The following ABAT variants were observed in gnomAD, a reference collection of about 807,000 sequenced individuals.
ABAT encodes the protein 4-aminobutyrate aminotransferase, also known as 4-aminobutyrate aminotransferase, mitochondrial.
In ABAT, 45 loss-of-function variants were observed where a neutral mutation model predicts 64.6. The ratio of observed to expected loss-of-function variants is 0.70; its 90% CI spans 0.55 to 0.89. The LOEUF is 0.89. Among genes scored for constraint, ABAT ranks in the 40% least tolerant of loss-of-function variants. The pLI, the probability that ABAT is intolerant of heterozygous loss-of-function variation, is 0.00. For missense variants in ABAT, 633 were observed against 658.4 expected (o/e 0.96, Z 0.42); for synonymous variants, 297 against 250.5 (o/e 1.19, Z -1.75).
At chr16:8,680,374 T>G (rs1291590953) in intron 1 of ABAT, among the ~76,000 whole-genome samples, 2 of 152,214 alleles carry the variant, frequency 1.3e-5, no homozygotes, top group Admixed American at 6.5e-5. Context: ...TTTTTTAAAT[T>G]GGGGTAAAAT....
At position 8,746,079 on chromosome 16, in the gene ABAT, T is replaced by C. The variant is rs768066989; in HGVS notation, c.149T>C (p.Val50Ala). The change falls in exon 3 of 16, where the codon GTC becomes GCC. Residue 50 changes from valine to alanine, a missense_variant. Val to Ala is a moderately conservative substitution (Grantham distance 64, BLOSUM62 0). Transcript: ENST00000268251. ...DYDGPLMKTEVPGPRSQELMK... is the reference protein window; with the variant it reads ...DYDGPLMKTEAPGPRSQELMK... Reference sequence around the variant, plus strand: ...GATGGGCCTCTGATGAAGACGGAAGTCCCAGGGCCTAGATCTCAGGTGAGT... The same window carrying C: ...GATGGGCCTCTGATGAAGACGGAAGCCCCAGGGCCTAGATCTCAGGTGAGT... 1.2e-6 allele frequency: 2 copies of C among 1,613,428 alleles called. No homozygotes were observed. The highest frequency in any genetic ancestry group is 1.7e-6 in the Non-Finnish European group (2 of 1,179,856).
At chr16:8,679,394 C>T (rs2057278965) in intron 1 of ABAT, among the ~76,000 whole-genome samples, 1 of 152,110 alleles carries the variant, frequency 6.6e-6, no homozygotes, top group South Asian at 2.1e-4. Flanking sequence ...TAGAGGGATC[C>T]TGGTGTCAGA....
At chr16:8,769,052 A>C (rs1247529151) in intron 11 of ABAT, 79 bp downstream of exon 11, 1 of 1,593,554 alleles carries the variant, frequency 6.3e-7, no homozygotes, top group Non-Finnish European at 8.6e-7. Context: ...GGAGAAGAGA[A>C]ACAGATGAAG....
In ABAT at chr16:8,768,736, G is replaced by A. The variant is rs573036105; in HGVS notation, c.668-89G>A. ...GGCCTCCCTGCCCACTGACAGCCTT[G>A]CGCTGAAATGTCTATCATCTCCTTT... On this transcript the variant is annotated intron_variant, in intron 10 of 15. Transcript: ENST00000268251. 860 of 1,579,558 alleles carry A rather than the reference G, an allele frequency of 5.4e-4. 1 individual carries two copies. Among genetic ancestry groups the A allele is most frequent in the Admixed American group, 2.2e-3 (132 of 59,942 alleles).
intron 15 of ABAT, chr16:8,780,763 T>TTA (rs1567320460): frequency 2.2e-5 from 3 of 137,506 alleles, no homozygotes; most frequent in Non-Finnish European, 1.5e-5. Context: ...ACTCCATCTC[T>TTA]AAAAAAAAAA....
At chr16:8,688,387 A>T (rs2057505419) in intron 1 of ABAT, among the ~76,000 whole-genome samples, 1 of 152,184 alleles carries the variant, frequency 6.6e-6, no homozygotes, top group Admixed American at 6.5e-5. Flanking sequence ...GTCTCCAAAC[A>T]TGGGGTTATT....
intron 5 of ABAT, among the ~76,000 whole-genome samples, chr16:8,756,120 C>G (rs2059643038): frequency 1.3e-5 from 2 of 151,586 alleles, no homozygotes; most frequent in East Asian, 1.9e-4. Flanking sequence ...GGCTGAGGCA[C>G]GAGACACGAG....
chr16:8,702,924 A>G (rs184070534), intron 1 of ABAT, among the ~76,000 whole-genome samples: 17 of 152,182 alleles, frequency 1.1e-4, no homozygotes, highest in Admixed American at 3.3e-4. Flanking sequence ...TGGAGGCAGG[A>G]AAGTGGGCAG....
At chr16:8,768,736 G>C in intron 10 of ABAT, 89 bp from the exon 11 acceptor site, 1 of 1,579,560 alleles carries the variant, frequency 6.3e-7, no homozygotes, top group Non-Finnish European at 8.7e-7. Flanking sequence ...TGACAGCCTT[G>C]CGCTGAAATG....
chr16:8,765,716 C>T (rs1254730910), intron 8 of ABAT: 1 of 153,002 alleles, frequency 6.5e-6, no homozygotes, highest in Non-Finnish European at 1.5e-5. Context: ...CAAAAAAAAC[C>T]CTTCCAGGCA....
At position 8,782,918 on chromosome 16, in the gene ABAT, A is replaced by T. The variant is rs1472317165; in HGVS notation, c.*1488A>T. ...TGCTCTTTTAATAACAAATCGTCCA[A>T]AGATCTCAAAGTAAGGGTTTTTTTT... On this transcript the variant is annotated 3_prime_UTR_variant, in exon 16 of 16. Transcript: ENST00000268251. 1.3e-5 allele frequency: 2 copies of T among 152,112 alleles called. No individual in the cohort carries two copies. Among genetic ancestry groups the T allele is most frequent in the Non-Finnish European group, 2.9e-5 (2 of 68,020 alleles). The allele number at this position is 152,112 out of a possible 1,614,324, so 9.4% of individuals were successfully genotyped here.
intron 1 of ABAT, among the ~76,000 whole-genome samples, chr16:8,717,876 A>G (rs1228513187): frequency 6.6e-6 from 1 of 151,678 alleles, no homozygotes; most frequent in Non-Finnish European, 1.5e-5. Flanking sequence ...GCTGATCTCA[A>G]TCTCCTGGGC....
At chr16:8,733,568 G>A (rs1030637019) in intron 1 of ABAT, among the ~76,000 whole-genome samples, 3 of 151,904 alleles carry the variant, frequency 2.0e-5, no homozygotes, top group African/African-American at 7.3e-5. Flanking sequence ...ACGAGACTCC[G>A]TCTGTAATCC....
At chr16:8,758,783 A>C (rs2059714913) in intron 6 of ABAT, among the ~76,000 whole-genome samples, 1 of 151,350 alleles carries the variant, frequency 6.6e-6, no homozygotes, top group Non-Finnish European at 1.5e-5. Flanking sequence ...GAAGAGAGAT[A>C]GAGAGCCATT....
Position 8,764,231 on chromosome 16 carries a change from G to T in ABAT, c.447+82G>T, listed in dbSNP as rs1490493684. On this transcript the variant is annotated intron_variant, in intron 7 of 15. Transcript: ENST00000268251. This position sits in a 1 kb window ranked among gnomAD's most constrained non-coding sequence, Gnocchi z 4.2. The stretch of plus-strand genomic sequence containing the variant: ...GAAAAGTGGAGACGCCAACAATGAA[G>T]AATAAGGTGTTGCTACAGAAATCTT... The T allele has an allele frequency of 4.4e-6, 5 of 1,136,714 alleles. No homozygotes were observed. The African/African-American group carries it at 6.1e-5, about 14-fold the overall frequency. 70.4% of individuals were successfully genotyped at this position (1,136,714 alleles called of 1,614,324 possible).
chr16:8,676,738 G>C (rs545432101), intron 1 of ABAT, among the ~76,000 whole-genome samples: 1 of 152,210 alleles, frequency 6.6e-6, no homozygotes, highest in Non-Finnish European at 1.5e-5. Context: ...TTTGCTCCAA[G>C]AACTTTGGAC....
At chr16:8,675,877 T>C (rs1447492957) in intron 1 of ABAT, among the ~76,000 whole-genome samples, 8 of 152,030 alleles carry the variant, frequency 5.3e-5, no homozygotes, top group Non-Finnish European at 7.4e-5. Context: ...CCCCCTAAAG[T>C]GTGCACCCCC....
At chr16:8,729,534 C>G (rs1312614874) in intron 1 of ABAT, among the ~76,000 whole-genome samples, 1 of 152,118 alleles carries the variant, frequency 6.6e-6, no homozygotes, top group Non-Finnish European at 1.5e-5. Context: ...GAATGTCTCA[C>G]AAAGACCAGG....
Position 8,784,137 on chromosome 16 carries a change from C to G in ABAT, c.*2707C>G, listed in dbSNP as rs1404701436. ...CATGAAGAAGTGCTTCCGTGGCCGA[C>G]AGTCTGGAAATGAATCCATCATACA... On this transcript the variant is annotated 3_prime_UTR_variant, in exon 16 of 16. Transcript: ENST00000268251. 1.3e-5 allele frequency: 2 copies of G among 152,598 alleles called. No individual in the cohort carries two copies. The highest frequency in any genetic ancestry group is 2.9e-5 in the Non-Finnish European group (2 of 68,026). 9.5% of individuals were successfully genotyped at this position (152,598 alleles called of 1,614,324 possible).
Sources: gnomAD v4.1 joint callset for allele counts (sites outside exome capture counted in the v4.1 genomes callset) on GRCh38, gnomAD v4.1.1 for gene constraint, Gnocchi (gnomAD v3.1) non-coding constraint, MANE v1.5 for transcripts, NCBI Gene and HGNC (gene_info 2026-07-23, HGNC 2026-07-21) for gene names.